Variants in VAV2 observed in about 807,000 individuals in gnomAD.
VAV2 encodes the protein vav guanine nucleotide exchange factor 2, also known as guanine nucleotide exchange factor VAV2.
VAV2 carries 67 observed loss-of-function variants against 132.5 expected under a neutral mutation model. The ratio of observed to expected loss-of-function variants is 0.51; its 90% CI spans 0.42 to 0.62. The LOEUF is 0.62. VAV2 is among the 20% of genes least tolerant of loss of function. The probability of loss-of-function intolerance (pLI) is 0.00; values close to 1 mark genes in which losing one functional copy is unlikely to be tolerated. For synonymous variants in VAV2, 492 were observed against 443.5 expected (o/e 1.11, Z -1.37); for missense variants, 938 against 1,153.6 (o/e 0.81, Z 2.71).
chr9:133,772,049 G>C lies in VAV2; in HGVS notation c.2136-3C>G, dbSNP rs1202606403. The stretch of plus-strand genomic sequence containing the variant: ...TGTGCTTCACCTCATCATTGAACCT[G>C]AGCAAACACACGGCCCCGGCGGTCA... On this transcript the variant is annotated splice_polypyrimidine_tract_variant and splice_region_variant and intron_variant, in intron 25 of 29. Coordinates refer to ENST00000371850, the MANE Select transcript of VAV2 (RefSeq NM_001134398.2). 8 of 1,100,494 alleles carry C rather than the reference G, an allele frequency of 7.3e-6. No individual in the cohort carries two copies. The highest frequency in any genetic ancestry group is 1.0e-5 in the Non-Finnish European group (8 of 800,400). 68.2% of individuals were successfully genotyped at this position (1,100,494 alleles called of 1,614,324 possible).
At chr9:133,836,103 G>A (rs975875795) in intron 3 of VAV2, among the ~76,000 whole-genome samples, 2 of 152,200 alleles carry the variant, frequency 1.3e-5, no homozygotes, top group East Asian at 1.9e-4. Flanking sequence ...CGGCCAAGAA[G>A]CCCCTCAAGG....
At chr9:133,830,148 C>T (rs2131766310) in intron 4 of VAV2, among the ~76,000 whole-genome samples, 1 of 152,336 alleles carries the variant, frequency 6.6e-6, no homozygotes, top group African/African-American at 2.4e-5. Context: ...TGACTTTCCC[C>T]AAACAGCTGC....
rs1240320342 is a variant in VAV2, at chr9:133,928,781, T to C, written c.321+10322A>G. On this transcript the variant is annotated intron_variant, in intron 2 of 29. Coordinates refer to ENST00000371850, the MANE Select transcript of VAV2 (RefSeq NM_001134398.2). This position sits in a 1 kb window ranked among gnomAD's most constrained non-coding sequence, Gnocchi z 5.4. ...ATGTAAAATGGAGAAATCAATGACA[T>C]GGCTGAGACGGCATCTGGATACACT... Among the ~76,000 whole-genome samples the C allele has an allele frequency of 6.6e-6, 1 of 152,094 alleles. No individual in the cohort carries two copies. Among genetic ancestry groups the C allele is most frequent in the African/African-American group, 2.4e-5 (1 of 41,390 alleles).
Position 133,786,661 on chromosome 9 carries a change from C to T in VAV2, c.1422+585G>A, listed in dbSNP as rs79821290. Among the ~76,000 whole-genome samples, 917 of 152,378 alleles carry T rather than the reference C, an allele frequency of 6.0e-3. 7 individuals are homozygous for T. The highest frequency in any genetic ancestry group is 0.02 in the African/African-American group (826 of 41,596). Reference sequence around the variant, plus strand: ...ACAGCCATGGGCCTGGGGCACCCCCCGTGAAGCCATCCCCGACTGAGCAAC... The same window carrying T: ...ACAGCCATGGGCCTGGGGCACCCCCTGTGAAGCCATCCCCGACTGAGCAAC... On this transcript the variant is annotated intron_variant, in intron 16 of 29. Coordinates refer to ENST00000371850, the MANE Select transcript of VAV2 (RefSeq NM_001134398.2).
chr9:133,801,864 G>T (rs1055996097), intron 9 of VAV2, among the ~76,000 whole-genome samples: 1 of 152,168 alleles, frequency 6.6e-6, no homozygotes, highest in Non-Finnish European at 1.5e-5. Context: ...GACGTAGGAA[G>T]GATCCCCCTG....
At chr9:133,906,027 A>G (rs1050769721) in intron 2 of VAV2, among the ~76,000 whole-genome samples, 37 of 152,178 alleles carry the variant, frequency 2.4e-4, no homozygotes, top group African/African-American at 8.4e-4. Flanking sequence ...CAACAGAGTG[A>G]GACCCTGTCT....
At chr9:133,876,391 G>A (rs527417799) in intron 2 of VAV2, among the ~76,000 whole-genome samples, 1 of 152,354 alleles carries the variant, frequency 6.6e-6, no homozygotes, top group Non-Finnish European at 1.5e-5. Flanking sequence ...CAAGGGACGG[G>A]GTGGGTGTGG....
At position 133,849,854 on chromosome 9, in the gene VAV2, C is replaced by T. The variant is rs1031975098; in HGVS notation, c.380+11520G>A. Among the ~76,000 whole-genome samples the T allele has an allele frequency of 4.6e-5, 7 of 152,288 alleles. No homozygotes were observed. The South Asian group carries it at 1.2e-3, about 27-fold the overall frequency. On this transcript the variant is annotated intron_variant, in intron 3 of 29. Transcript: ENST00000371850. Reference sequence around the variant, plus strand: ...GGACACTTGTCATTGGATTTAGGGCCCAACCAGGTAATTCAGGATGATCTC... The same window carrying T: ...GGACACTTGTCATTGGATTTAGGGCTCAACCAGGTAATTCAGGATGATCTC...
intron 3 of VAV2, among the ~76,000 whole-genome samples, chr9:133,854,020 GTGCACACACACACACCCATC>G (rs1317439024): frequency 1.3e-5 from 2 of 152,068 alleles, no homozygotes; most frequent in Non-Finnish European, 2.9e-5. Flanking sequence ...ACACACACGT[GTGCACACACACACACCCATC>G]TGCACATACA....
chr9:133,958,556 C>G (rs1220263850), intron 1 of VAV2, among the ~76,000 whole-genome samples: 1 of 135,756 alleles, frequency 7.4e-6, no homozygotes, highest in South Asian at 2.4e-4. Flanking sequence ...GAAACACCCA[C>G]GAATGACCAA....
intron 1 of VAV2, among the ~76,000 whole-genome samples, chr9:133,973,693 C>T (rs1311001465): frequency 6.6e-6 from 1 of 152,204 alleles, no homozygotes; most frequent in African/African-American, 2.4e-5. Flanking sequence ...CCCTAGATAC[C>T]CCGCACAAGG....
chr9:133,936,376 G>A (rs899187059), intron 2 of VAV2, among the ~76,000 whole-genome samples: 1 of 151,798 alleles, frequency 6.6e-6, no homozygotes, highest in Non-Finnish European at 1.5e-5. Context: ...CCAAGTAGCT[G>A]GGATTACATA....
rs1468976523 is a variant in VAV2 at position 133,840,581 on chromosome 9, G to A, written c.381-6241C>T. Among the ~76,000 whole-genome samples the A allele has an allele frequency of 1.3e-5, 2 of 152,146 alleles. No individual in the cohort carries two copies. The highest frequency in any genetic ancestry group is 1.3e-4 in the Admixed American group (2 of 15,280). ...AGACCAGAAAACAGAACACCCTACA[G>A]GGGTGCCCAAACCCAAACCCCGAAG... On this transcript the variant is annotated intron_variant, in intron 3 of 29. Transcript: ENST00000371850. This position sits in a 1 kb window ranked among gnomAD's most constrained non-coding sequence, Gnocchi z 4.5.
chr9:133,971,515 A>G (rs144088238), intron 1 of VAV2, among the ~76,000 whole-genome samples: 1,804 of 152,172 alleles, frequency 0.012, 32 homozygotes, highest in African/African-American at 0.041. Flanking sequence ...AGACGGCAAC[A>G]CCAGAGAAAG....
chr9:133,987,120 T>C (rs969467839), intron 1 of VAV2, among the ~76,000 whole-genome samples: 2 of 152,136 alleles, frequency 1.3e-5, no homozygotes, highest in African/African-American at 2.4e-5. Context: ...GGCCCTGCCT[T>C]GGAGGGGCTC....
At chr9:133,973,894 G>C (rs12351441) in intron 1 of VAV2, among the ~76,000 whole-genome samples, 2 of 149,922 alleles carry the variant, frequency 1.3e-5, no homozygotes, top group East Asian at 3.9e-4. Flanking sequence ...AAAGAACCTC[G>C]GGGCAGAAAA....
chr9:133,784,286 G>A (rs1834130591), intron 18 of VAV2, 31 bp downstream of exon 18: 1 of 1,604,012 alleles, frequency 6.2e-7, no homozygotes, highest in African/African-American at 1.3e-5. Flanking sequence ...CGTGGAGCGA[G>A]GTGAGGGCTG....
At position 133,788,545 on chromosome 9, in the gene VAV2, G is replaced by A. The variant is rs1834326925; in HGVS notation, c.1275-59C>T. The A allele has an allele frequency of 5.1e-6, 8 of 1,569,390 alleles. No homozygotes were observed. The highest frequency in any genetic ancestry group is 1.7e-5 in the Admixed American group (1 of 59,124). ...CCAGCACTGTGTGCTCTGCTCCGAG[G>A]AGGCGGCAGGAGCTGAGCCTGAGGC... is the stretch of plus-strand genomic sequence containing the variant. On this transcript the variant is annotated intron_variant, in intron 14 of 29. Transcript: ENST00000371850. The surrounding 1 kb of genome is among the most constrained non-coding windows in gnomAD (Gnocchi z 5.3).
chr9:133,770,348 G>C, intron 27 of VAV2, 30 bp downstream of exon 27: 1 of 1,613,162 alleles, frequency 6.2e-7, no homozygotes, highest in Non-Finnish European at 8.5e-7. Context: ...TCCGAGGAGT[G>C]CTGGTGTGCC....
Sources: allele counts gnomAD v4.1 joint callset (sites outside exome capture counted in the v4.1 genomes callset), GRCh38; gene constraint gnomAD v4.1.1; non-coding constraint Gnocchi (gnomAD v3.1); transcripts MANE v1.5; gene names NCBI Gene and HGNC (gene_info 2026-07-23, HGNC 2026-07-21).